The following ESPNL variants were observed in gnomAD, a reference collection of about 807,000 sequenced individuals.
The protein encoded by ESPNL is espin like, also known as espin-like protein.
ESPNL carries 49 observed loss-of-function variants against 46.8 expected under a neutral mutation model. The ratio of observed to expected loss-of-function variants is 1.05; its 90% CI spans 0.83 to 1.33. The LOEUF (loss-of-function observed/expected upper bound fraction) is 1.33, where lower values mean the gene tolerates loss of function less well. Among genes scored for constraint, ESPNL ranks in the 40% most tolerant of loss-of-function variants. The probability of loss-of-function intolerance (pLI) is 0.00; values close to 1 mark genes in which losing one functional copy is unlikely to be tolerated. For missense variants in ESPNL, 1,540 were observed against 1,436.6 expected (o/e 1.07, Z -1.16); for synonymous variants, 664 against 662.1 (o/e 1.00, Z -0.04).
chr2:238,116,874 G>A (rs560699931), intron 4 of ESPNL, 29 bp from the exon 5 acceptor site: 2 of 1,608,476 alleles, frequency 1.2e-6, no homozygotes, highest in East Asian at 2.2e-5. Context: ...GTGTCGTGGT[G>A]GGTCACATGT....
At chr2:238,117,853 TGAG>T (rs1247775642) in intron 5 of ESPNL, among the ~76,000 whole-genome samples, 2 of 149,616 alleles carry the variant, frequency 1.3e-5, no homozygotes, top group African/African-American at 4.9e-5. Context: ...GAGTGAAAAA[TGAG>T]GAGAGGGATA....
chr2:238,107,808 C>T lies in ESPNL; in HGVS notation c.690C>T (p.Ile230=), dbSNP rs369231485. The T allele has an allele frequency of 8.8e-6, 14 of 1,597,062 alleles. No individual in the cohort carries two copies. The highest frequency in any genetic ancestry group is 5.4e-5 in the African/African-American group (4 of 74,548). The change falls in exon 4 of 9, where the codon ATC becomes ATT. Residue 230 remains isoleucine, a synonymous_variant. Coordinates refer to ENST00000343063, the MANE Select transcript of ESPNL (RefSeq NM_194312.4). ...TTCCCCAGGTCACATTCACCGACAT[C>T]GGACTCACGGCACGGGACAATGAGG... ...LVVWLVTFTD[I]GLTARDNEGA... is the part of the protein sequence containing the mutation.
rs1191793780 is a variant in ESPNL at position 238,116,897 on chromosome 2, C to T, written c.856-6C>T. On this transcript the variant is annotated splice_region_variant and splice_polypyrimidine_tract_variant and intron_variant, in intron 4 of 8. Coordinates refer to ENST00000343063, the MANE Select transcript of ESPNL (RefSeq NM_194312.4). Reference sequence around the variant, plus strand: ...GTGGGTCACATGTGTGCCCTCCTCACTGCAGTGCTGCCAGACCCTAGTCTC... The same window carrying T: ...GTGGGTCACATGTGTGCCCTCCTCATTGCAGTGCTGCCAGACCCTAGTCTC... The T allele has an allele frequency of 6.2e-7, 1 of 1,612,198 alleles. No individual in the cohort carries two copies.
intron 3 of ESPNL, among the ~76,000 whole-genome samples, chr2:238,106,204 G>T (rs1045148787): frequency 6.6e-6 from 1 of 152,232 alleles, no homozygotes; most frequent in African/African-American, 2.4e-5. Context: ...CACCTGGCAC[G>T]CAGTCAGGCT....
At chr2:238,101,514 G>A (rs1263545780) in intron 1 of ESPNL, among the ~76,000 whole-genome samples, 1 of 152,182 alleles carries the variant, frequency 6.6e-6, no homozygotes, top group Non-Finnish European at 1.5e-5. Flanking sequence ...CCTGACACCT[G>A]TGGTAGGAAC....
chr2:238,126,916 C>CGTCTGT (rs1692141131), intron 6 of ESPNL, among the ~76,000 whole-genome samples: 1 of 40,848 alleles, frequency 2.4e-5, no homozygotes, highest in African/African-American at 2.7e-4. Flanking sequence ...TGTGTATGAT[C>CGTCTGT]GTGTCTGTGT....
At position 238,104,659 on chromosome 2, in the gene ESPNL, C is replaced by T. The variant is rs773561707; in HGVS notation, c.489C>T (p.Ser163=). ...LKLLTAAHGS[S]VNRRTRSGAS... is the part of the protein sequence containing the mutation. ...CCAAACCCTCCCTTCCCTGCAGCAG[C>T]GTGAACCGGCGGACACGCAGTGGCG... The change falls in exon 3 of 9, where the codon AGC becomes AGT. Residue 163 remains serine (S), a synonymous_variant. Transcript: ENST00000343063. The T allele has an allele frequency of 8.8e-6, 14 of 1,584,682 alleles. No homozygotes were observed. The highest frequency in any genetic ancestry group is 2.3e-5 in the East Asian group (1 of 43,824).
At chr2:238,127,786 C>T (rs769029179) in intron 7 of ESPNL, 52 bp downstream of exon 7, 2 of 1,379,446 alleles carry the variant, frequency 1.4e-6, no homozygotes, top group East Asian at 4.9e-5. Context: ...AGCCAGCCTC[C>T]ATTCCCATCC....
intron 4 of ESPNL, among the ~76,000 whole-genome samples, chr2:238,108,720 G>A (rs1190138242): frequency 6.6e-6 from 1 of 152,200 alleles, no homozygotes. Context: ...AGTCTGGGGG[G>A]ATTTTAAGTG....
At chr2:238,126,933 G>GATTGTGTCTGTGTGTGTCTGTA (rs1692143676) in intron 6 of ESPNL, among the ~76,000 whole-genome samples, 1 of 54,518 alleles carries the variant, frequency 1.8e-5, no homozygotes, top group Non-Finnish European at 3.8e-5. Flanking sequence ...GTGTGTCTGT[G>GATTGTGTCTGTGTGTGTCTGTA]ATTGTGTGTG....
intron 6 of ESPNL, chr2:238,127,345 T>A (rs1692161744): frequency 8.0e-7 from 1 of 1,255,822 alleles, no homozygotes; most frequent in Non-Finnish European, 1.0e-6. Flanking sequence ...CCTCAAGCCC[T>A]TCCCAGCTCC....
At chr2:238,118,570 A>AATGGAGGAGGATGGATGGAGGAGGAATGG (rs1691882142) in intron 5 of ESPNL, among the ~76,000 whole-genome samples, 1 of 62,162 alleles carries the variant, frequency 1.6e-5, no homozygotes, top group East Asian at 6.8e-4. Flanking sequence ...GAGGAGAGTG[A>AATGGAGGAGGATGGATGGAGGAGGAATGG]ATGGAGGAGG....
Position 238,132,781 on chromosome 2 carries a change from G to C in ESPNL, c.*1049G>C, listed in dbSNP as rs544314871. On this transcript the variant is annotated 3_prime_UTR_variant, in exon 9 of 9. Transcript: ENST00000343063. ...GCCAGGAGAATGGGTCATCACCCAG[G>C]CTCTGGGGCTGAGGAGGGCTGGGCC... 53 of 152,494 alleles carry C rather than the reference G, an allele frequency of 3.5e-4. No homozygotes were observed. Among genetic ancestry groups the C allele is most frequent in the African/African-American group, 1.2e-3 (51 of 41,592 alleles). The allele number at this position is 152,494 out of a possible 1,614,324, so 9.4% of individuals were successfully genotyped here.
chr2:238,122,664 T>C (rs973748652), intron 5 of ESPNL, among the ~76,000 whole-genome samples: 2 of 152,118 alleles, frequency 1.3e-5, no homozygotes, highest in Non-Finnish European at 2.9e-5. Context: ...CTGCCAGGGG[T>C]GGCCCCTCTC....
At chr2:238,102,373 G>T (rs1022998767) in intron 2 of ESPNL, among the ~76,000 whole-genome samples, 3 of 152,228 alleles carry the variant, frequency 2.0e-5, no homozygotes, top group Admixed American at 2.0e-4. Context: ...CTTCAGCTTG[G>T]AGAGTGGCTG....
intron 5 of ESPNL, among the ~76,000 whole-genome samples, chr2:238,123,441 G>A (rs540226399): frequency 3.3e-5 from 5 of 152,264 alleles, no homozygotes; most frequent in South Asian, 4.2e-4. Flanking sequence ...CCTGGGGGCC[G>A]TACCGTAGGT....
At chr2:238,119,771 C>T (rs528984356) in intron 5 of ESPNL, among the ~76,000 whole-genome samples, 3 of 152,078 alleles carry the variant, frequency 2.0e-5, no homozygotes, top group Non-Finnish European at 4.4e-5. Flanking sequence ...TGTCATCGCC[C>T]TCCACCCCCC....
At position 238,130,853 on chromosome 2, in the gene ESPNL, C is replaced by G; in HGVS notation, c.2139C>G (p.Asp713Glu). 1 of 1,553,424 alleles carries G rather than the reference C, an allele frequency of 6.4e-7. No individual in the cohort carries two copies. The highest frequency in any genetic ancestry group is 1.4e-5 in the African/African-American group (1 of 73,938). Residue 713 changes from aspartate (D) to glutamate (E), a missense_variant, in exon 9 of 9, where the codon GAC (aspartate) becomes GAG (glutamate). Coordinates refer to ENST00000343063, the MANE Select transcript of ESPNL (RefSeq NM_194312.4). The part of the protein sequence containing the change: ...PRPGDTEEAS[D>E]SGISCEEVPS... ...CTGGCGACACAGAGGAGGCCAGCGA[C>G]TCTGGCATCAGCTGCGAGGAGGTGC...
At position 238,101,870 on chromosome 2, in the gene ESPNL, GC is replaced by G. The variant is rs1691486240; in HGVS notation, c.295-68del. On this transcript the variant is annotated intron_variant, in intron 1 of 8. Coordinates refer to ENST00000343063, the MANE Select transcript of ESPNL (RefSeq NM_194312.4). Reference sequence around the variant, plus strand: ...CAGGCAGTGTGAGCCCTCGCCCAGGGCCCACCTCCGGCAGCTGGCTCTGACC... The same window carrying G: ...CAGGCAGTGTGAGCCCTCGCCCAGGGCCACCTCCGGCAGCTGGCTCTGACC... 2 of 1,199,034 alleles carry G rather than the reference GC, an allele frequency of 1.7e-6. 1 individual carries two copies. Among genetic ancestry groups the G allele is most frequent in the South Asian group, 2.7e-5 (2 of 74,562 alleles). The allele number at this position is 1,199,034 out of a possible 1,614,324, so 74.3% of individuals were successfully genotyped here.
Sources: gnomAD v4.1 joint callset for allele counts (sites outside exome capture counted in the v4.1 genomes callset) on GRCh38, gnomAD v4.1.1 for gene constraint, MANE v1.5 for transcripts, NCBI Gene and HGNC (gene_info 2026-07-23, HGNC 2026-07-21) for gene names.